The following ABLIM1 variants were observed in gnomAD, a reference collection of about 807,000 sequenced individuals.
The protein encoded by ABLIM1 is actin binding LIM protein 1.
In ABLIM1, 40 loss-of-function variants were observed where a neutral mutation model predicts 107.0. That is an observed-to-expected ratio of 0.37 (90% CI 0.29 to 0.49). ABLIM1 has a LOEUF of 0.49. ABLIM1 is among the 20% of genes least tolerant of loss of function. ABLIM1 has a pLI of 0.97. For synonymous variants in ABLIM1, 357 were observed against 357.3 expected (o/e 1.00, Z 0.01); for missense variants, 857 against 1,008.5 (o/e 0.85, Z 2.04).
intron 6 of ABLIM1, among the ~76,000 whole-genome samples, chr10:114,536,441 T>A (rs1474279483): frequency 6.6e-6 from 1 of 151,466 alleles, no homozygotes; most frequent in Non-Finnish European, 1.5e-5. Flanking sequence ...AGAGACGGGG[T>A]TTCACCATCC....
intron 8 of ABLIM1, among the ~76,000 whole-genome samples, chr10:114,480,783 A>G (rs974142857): frequency 6.6e-6 from 1 of 152,166 alleles, no homozygotes; most frequent in Admixed American, 6.5e-5. Context: ...TTTACTCTAT[A>G]GTTATCTCCC....
intron 1 of ABLIM1, among the ~76,000 whole-genome samples, chr10:114,741,316 C>T (rs147850628): frequency 1.4e-3 from 209 of 147,758 alleles, no homozygotes; most frequent in Middle Eastern, 3.5e-3. Context: ...AGCTCCGCCT[C>T]TCAGGTTCAT....
chr10:114,618,399 C>T (rs2140374161), intron 1 of ABLIM1, among the ~76,000 whole-genome samples: 1 of 152,278 alleles, frequency 6.6e-6, no homozygotes, highest in East Asian at 1.9e-4. Flanking sequence ...CTCAAACTCA[C>T]CAGATAACTT....
chr10:114,710,971 A>C (rs191538736), intron 1 of ABLIM1, among the ~76,000 whole-genome samples: 4 of 152,120 alleles, frequency 2.6e-5, no homozygotes, highest in African/African-American at 4.8e-5. Flanking sequence ...GATGGGTTCC[A>C]CTCAAAGATG....
intron 1 of ABLIM1, among the ~76,000 whole-genome samples, chr10:114,757,024 T>C (rs1018754247): frequency 8.5e-5 from 13 of 152,244 alleles, no homozygotes; most frequent in African/African-American, 3.1e-4. Flanking sequence ...TGCATCTTCA[T>C]ATTTCAATAG....
chr10:114,623,866 T>C (rs1163102885), intron 1 of ABLIM1, among the ~76,000 whole-genome samples: 2 of 152,248 alleles, frequency 1.3e-5, no homozygotes, highest in Non-Finnish European at 2.9e-5. Flanking sequence ...GCCAGCCTGT[T>C]TGATTGCAAC....
intron 15 of ABLIM1, among the ~76,000 whole-genome samples, chr10:114,446,716 T>G (rs959830307): frequency 2.0e-5 from 3 of 152,220 alleles, no homozygotes; most frequent in African/African-American, 7.2e-5. Context: ...AATGTCCCAG[T>G]AAGCAATTTA....
intron 2 of ABLIM1, among the ~76,000 whole-genome samples, chr10:114,588,465 C>CT (rs71473047): frequency 6.8e-6 from 1 of 148,070 alleles, no homozygotes; most frequent in Non-Finnish European, 1.5e-5. Flanking sequence ...AAATACTCTC[C>CT]TTTTTTTCTT....
At chr10:114,524,071 T>C (rs2064219872) in intron 6 of ABLIM1, among the ~76,000 whole-genome samples, 1 of 152,228 alleles carries the variant, frequency 6.6e-6, no homozygotes. Flanking sequence ...AGTCCAGGTC[T>C]GTCACCAAGA....
chr10:114,572,177 A>G (rs2071781600), intron 3 of ABLIM1, among the ~76,000 whole-genome samples: 1 of 152,174 alleles, frequency 6.6e-6, no homozygotes, highest in Non-Finnish European at 1.5e-5. Flanking sequence ...TTCCATGCCC[A>G]CTCACTTGCC....
In ABLIM1 at chr10:114,571,976, G is replaced by A. The variant is rs147414807; in HGVS notation, c.564-570C>T. ...TAAACTGGGAGAAATGGGACAGGCTGTAAATATCTGTTTAAGAATTCATAT... is the reference window on the plus strand; with the variant it reads ...TAAACTGGGAGAAATGGGACAGGCTATAAATATCTGTTTAAGAATTCATAT... On this transcript the variant is annotated intron_variant, in intron 3 of 22. Coordinates refer to ENST00000533213, the MANE Select transcript of ABLIM1 (RefSeq NM_002313.7). Among the ~76,000 whole-genome samples the A allele has an allele frequency of 2.0e-3, 312 of 152,340 alleles. 2 individuals carry two copies. Among genetic ancestry groups the A allele is most frequent in the African/African-American group, 7.2e-3 (300 of 41,584 alleles).
chr10:114,787,712 G>T, the ABLIM1 span, among the ~76,000 whole-genome samples: 2 of 130,564 alleles, frequency 1.5e-5, no homozygotes, highest in African/African-American at 2.8e-5. Flanking sequence ...AGGTGGGGGG[G>T]TCAGCCCCCC....
intron 1 of ABLIM1, among the ~76,000 whole-genome samples, chr10:114,711,061 T>C (rs2081537784): frequency 6.6e-6 from 1 of 152,244 alleles, no homozygotes; most frequent in Non-Finnish European, 1.5e-5. Flanking sequence ...ATATTCCTAC[T>C]CTTTTGAAGA....
intron 2 of ABLIM1, among the ~76,000 whole-genome samples, chr10:114,592,566 T>C (rs929027504): frequency 4.0e-5 from 6 of 151,830 alleles, no homozygotes; most frequent in Non-Finnish European, 8.8e-5. Context: ...GCATTGAAAA[T>C]AAACTGAGGG....
At chr10:114,437,477 C>A (rs1471658619) in intron 22 of ABLIM1, among the ~76,000 whole-genome samples, 5 of 151,248 alleles carry the variant, frequency 3.3e-5, no homozygotes. Context: ...TGCCACCATG[C>A]CCCGTGAATT....
intron 8 of ABLIM1, among the ~76,000 whole-genome samples, chr10:114,484,634 C>G (rs190380112): frequency 6.6e-6 from 1 of 152,148 alleles, no homozygotes; most frequent in Non-Finnish European, 1.5e-5. Flanking sequence ...CTGCCTGCCT[C>G]GGTCTCCCAA....
At chr10:114,445,168 G>T in intron 16 of ABLIM1, 144 bp downstream of exon 16, 1 of 685,658 alleles carries the variant, frequency 1.5e-6, no homozygotes, top group Non-Finnish European at 2.6e-6. Context: ...CACCTGTCTT[G>T]CCTTGCCTGC....
At chr10:114,793,778 C>A in the ABLIM1 span, among the ~76,000 whole-genome samples, 1 of 152,166 alleles carries the variant, frequency 6.6e-6, no homozygotes, top group East Asian at 1.9e-4. Context: ...CAGAGCTGTA[C>A]TGTAGTCTCC....
chr10:114,797,567 T>A, the ABLIM1 span, among the ~76,000 whole-genome samples: 1 of 152,182 alleles, frequency 6.6e-6, no homozygotes, highest in Non-Finnish European at 1.5e-5. Flanking sequence ...TTTAACCCAG[T>A]GCAATCTCAC....
Sources: allele counts gnomAD v4.1 joint callset (sites outside exome capture counted in the v4.1 genomes callset), GRCh38; gene constraint gnomAD v4.1.1; transcripts MANE v1.5; gene names NCBI Gene and HGNC (gene_info 2026-07-23, HGNC 2026-07-21).